Variants in LRRC37A2 observed in about 807,000 individuals in gnomAD.
LRRC37A2 encodes the protein leucine-rich repeat-containing protein 37A2.
Under a neutral mutation model 68.8 loss-of-function variants are expected in LRRC37A2, and 9 were observed. That is an observed-to-expected ratio of 0.13 (90% CI 0.08 to 0.23). The LOEUF is 0.23. Among genes scored for constraint, LRRC37A2 ranks in the 10% least tolerant of loss-of-function variants. The pLI is 1.00. For synonymous variants in LRRC37A2, 63 were observed against 367.6 expected (o/e 0.17, Z 9.48); for missense variants, 168 against 950.4 (o/e 0.18, Z 10.82).
chr17:46,499,462 C>T, the LRRC37A2 span, among the ~76,000 whole-genome samples: 2 of 149,088 alleles, frequency 1.3e-5, no homozygotes, highest in Non-Finnish European at 2.9e-5. Context: ...TTCTGGGGTT[C>T]AATCTTGGCA....
At chr17:46,896,302 A>C in the LRRC37A2 span, among the ~76,000 whole-genome samples, 5 of 151,458 alleles carry the variant, frequency 3.3e-5, no homozygotes, top group East Asian at 9.7e-4. Context: ...TCAAAAAAAG[A>C]AAAAGAAAGA....
the LRRC37A2 span, among the ~76,000 whole-genome samples, chr17:47,037,864 T>C: frequency 6.6e-6 from 1 of 152,234 alleles, no homozygotes; most frequent in Non-Finnish European, 1.5e-5. Flanking sequence ...GTAGTTCATA[T>C]CTTTCTGGTA....
chr17:46,717,978 C>T, the LRRC37A2 span, among the ~76,000 whole-genome samples: 1 of 152,198 alleles, frequency 6.6e-6, no homozygotes, highest in Admixed American at 6.5e-5. Flanking sequence ...ATTGCCAGAT[C>T]TACTTGGGGC....
chr17:46,907,486 T>C, the LRRC37A2 span, among the ~76,000 whole-genome samples: 1 of 151,234 alleles, frequency 6.6e-6, no homozygotes, highest in African/African-American at 2.4e-5. Flanking sequence ...CCTCTTTCTC[T>C]CCAGCCCCAG....
chr17:46,932,224 C>T, the LRRC37A2 span: 17 of 1,613,434 alleles, frequency 1.1e-5, no homozygotes, highest in Admixed American at 6.7e-5. Flanking sequence ...TGGTGAGGGT[C>T]GGCCTGCACT....
chr17:46,943,905 C>T, the LRRC37A2 span, among the ~76,000 whole-genome samples: 1 of 152,140 alleles, frequency 6.6e-6, no homozygotes, highest in Admixed American at 6.5e-5. Flanking sequence ...GGCGATCCCT[C>T]GGTCTGATGG....
chr17:46,829,152 A>T, the LRRC37A2 span, among the ~76,000 whole-genome samples: 4 of 152,192 alleles, frequency 2.6e-5, no homozygotes, highest in Admixed American at 2.6e-4. Context: ...TGATTTTTTT[A>T]TGGTGTGCAA....
At chr17:47,008,338 C>T in the LRRC37A2 span, among the ~76,000 whole-genome samples, 23 of 151,998 alleles carry the variant, frequency 1.5e-4, no homozygotes, top group Admixed American at 6.5e-5. Context: ...GTCTTGATCT[C>T]CTAACCTCGT....
the LRRC37A2 span, among the ~76,000 whole-genome samples, chr17:46,869,856 A>T: frequency 3.3e-5 from 5 of 151,956 alleles, no homozygotes; most frequent in Non-Finnish European, 7.4e-5. Context: ...AAAATTAGCC[A>T]GGGATGGTGG....
At chr17:47,036,041 A>G in the LRRC37A2 span, among the ~76,000 whole-genome samples, 1 of 152,210 alleles carries the variant, frequency 6.6e-6, no homozygotes, top group South Asian at 2.1e-4. Flanking sequence ...GGAATTCTCT[A>G]TATCTTCTGG....
At chr17:46,799,729 T>C in the LRRC37A2 span, among the ~76,000 whole-genome samples, 16,145 of 152,224 alleles carry the variant, frequency 0.11, 903 homozygotes, top group Middle Eastern at 0.13. Flanking sequence ...ATTACAGGCA[T>C]GAGCCACTGC....
the LRRC37A2 span, among the ~76,000 whole-genome samples, chr17:47,008,111 A>ATTT: frequency 7.0e-6 from 1 of 142,258 alleles, no homozygotes; most frequent in Non-Finnish European, 1.5e-5. Flanking sequence ...AATTTAATTA[A>ATTT]TTTTTTTTTT....
At chr17:46,811,507 G>C in the LRRC37A2 span, among the ~76,000 whole-genome samples, 2 of 152,128 alleles carry the variant, frequency 1.3e-5, no homozygotes, top group African/African-American at 2.4e-5. Flanking sequence ...CTGAAGAACC[G>C]GGTTTCAGCC....
At chr17:46,500,241 T>TTCCGTTTGCATCAA in the LRRC37A2 span, among the ~76,000 whole-genome samples, 1 of 145,044 alleles carries the variant, frequency 6.9e-6, no homozygotes, top group Non-Finnish European at 1.5e-5. Context: ...AAGCTTCAGC[T>TTCCGTTTGCATCAA]TCCGTTTGCA....
the LRRC37A2 span, among the ~76,000 whole-genome samples, chr17:46,572,980 AG>A: frequency 9.8e-6 from 1 of 102,106 alleles, no homozygotes; most frequent in African/African-American, 3.9e-5. Flanking sequence ...AAAGGGAGGG[AG>A]GGAGGGAGGG....
chr17:46,787,540 A>G, the LRRC37A2 span, among the ~76,000 whole-genome samples: 1 of 151,766 alleles, frequency 6.6e-6, no homozygotes, highest in Non-Finnish European at 1.5e-5. Flanking sequence ...AGGCCTGCTG[A>G]CTCCCAGCCA....
At chr17:46,978,750 G>A in the LRRC37A2 span, 2 of 1,612,556 alleles carry the variant, frequency 1.2e-6, no homozygotes, top group Non-Finnish European at 1.7e-6. Flanking sequence ...TGCAGCCCAG[G>A]AAGAAGACGC....
At chr17:46,849,156 C>T in the LRRC37A2 span, among the ~76,000 whole-genome samples, 3 of 152,228 alleles carry the variant, frequency 2.0e-5, no homozygotes, top group Non-Finnish European at 4.4e-5. Context: ...GGGGCCACGC[C>T]ATTGGCTGGC....
chr17:46,638,793 C>CCAT, the LRRC37A2 span, among the ~76,000 whole-genome samples: 1 of 97,740 alleles, frequency 1.0e-5, no homozygotes, highest in Non-Finnish European at 1.8e-5. Flanking sequence ...CAGGTGTGAG[C>CCAT]CATCACGCCT....
Sources: allele counts gnomAD v4.1 joint callset (sites outside exome capture counted in the v4.1 genomes callset), GRCh38; gene constraint gnomAD v4.1.1; transcripts MANE v1.5; gene names NCBI Gene and HGNC (gene_info 2026-07-23, HGNC 2026-07-21).